Variants in APPL1 observed in about 807,000 individuals in gnomAD.
APPL1 encodes adaptor protein, phosphotyrosine interacting with PH domain and leucine zipper 1.
APPL1 carries 42 observed loss-of-function variants against 106.8 expected under a neutral mutation model. That is an observed-to-expected ratio of 0.39 (90% CI 0.31 to 0.51). The LOEUF (loss-of-function observed/expected upper bound fraction) is 0.51, where lower values mean the gene tolerates loss of function less well. Among genes scored for constraint, APPL1 ranks in the 20% least tolerant of loss-of-function variants. The pLI is 0.75. For missense variants in APPL1, 769 were observed against 858.2 expected, an observed-to-expected ratio of 0.90 and a Z score of 1.30; for synonymous variants, 263 against 281.8, an observed-to-expected ratio of 0.93 and a Z score of 0.67.
At chr3:57,268,508 G>A in intron 21 of APPL1, 21 bp downstream of exon 21, 1 of 1,558,944 alleles carries the variant, frequency 6.4e-7, no homozygotes, top group Non-Finnish European at 8.6e-7. Flanking sequence ...CTAATGTCTG[G>A]ATCTTTATGT....
At position 57,269,647 on chromosome 3, in the gene APPL1, A is replaced by G; in HGVS notation, c.2090A>G (p.Asp697Gly). 6.2e-7 allele frequency: 1 copy of G among 1,614,054 alleles called. No individual in the cohort carries two copies. Among genetic ancestry groups the G allele is most frequent in the East Asian group, 2.2e-5 (1 of 44,858 alleles). ...AGCAGTAGCCAGTCAGAAGAGAGTG[A>G]TTTGGGAGAAGGAGGAAAGAAGAGA... Reference protein sequence around the residue: ...VLSSSQSEESDLGEGGKKRES... With the variant: ...VLSSSQSEESGLGEGGKKRES... The change falls in exon 22 of 22, where the codon GAT (aspartate) becomes GGT (glycine). Residue 697 changes from aspartate to glycine, a missense_variant. Transcript: ENST00000288266.
intron 19 of APPL1, among the ~76,000 whole-genome samples, chr3:57,263,188 T>C (rs556909370): frequency 2.6e-5 from 4 of 152,302 alleles, no homozygotes; most frequent in South Asian, 2.1e-4. Context: ...AATATTTTGC[T>C]ACACTTATGC....
rs1559516817 is a variant in APPL1 at position 57,269,688 on chromosome 3, G to GCTTAT, written c.*2_*6dup. The GCTTAT allele has an allele frequency of 1.2e-5, 19 of 1,613,604 alleles. No individual in the cohort carries two copies. In the African/African-American group the frequency reaches 1.2e-4, roughly 10 times the overall value. On this transcript the variant is annotated 3_prime_UTR_variant, in exon 22 of 22. Coordinates refer to ENST00000288266, the MANE Select transcript of APPL1 (RefSeq NM_012096.3). ...AAAGAAGAGAGAATCAGAAGCATAA[G>GCTTAT]CTTATACTTTTGGTAGATATTCCCC...
At chr3:57,258,544 C>T (rs1416993429) in intron 15 of APPL1, among the ~76,000 whole-genome samples, 4 of 152,192 alleles carry the variant, frequency 2.6e-5, no homozygotes, top group African/African-American at 9.6e-5. Context: ...AGGTAGCTTC[C>T]ATCTCCAGTT....
intron 1 of APPL1, among the ~76,000 whole-genome samples, chr3:57,229,817 G>C (rs1309322030): frequency 6.7e-6 from 1 of 148,214 alleles, no homozygotes; most frequent in Non-Finnish European, 1.5e-5. Flanking sequence ...GGGTTCAAGT[G>C]ATTCTCATGC....
chr3:57,236,290 C>T (rs2060716150), intron 2 of APPL1, among the ~76,000 whole-genome samples: 4 of 150,728 alleles, frequency 2.7e-5, no homozygotes, highest in Admixed American at 6.6e-5. Flanking sequence ...GTGATCCGCC[C>T]GCCTTGGCCT....
At chr3:57,236,872 T>C (rs750719800) in intron 2 of APPL1, among the ~76,000 whole-genome samples, 93 of 152,350 alleles carry the variant, frequency 6.1e-4, no homozygotes, top group South Asian at 1.4e-3. Flanking sequence ...TTTATTTTTT[T>C]CCCTTCTCAT....
At chr3:57,244,592 G>C (rs1375859307) in intron 7 of APPL1, among the ~76,000 whole-genome samples, 2 of 152,166 alleles carry the variant, frequency 1.3e-5, no homozygotes, top group East Asian at 3.9e-4. Flanking sequence ...AGAGTGTAAA[G>C]ATTAAGAGTA....
chr3:57,264,650 A>G (rs1341874783), intron 19 of APPL1, among the ~76,000 whole-genome samples: 2 of 151,774 alleles, frequency 1.3e-5, no homozygotes, highest in South Asian at 2.1e-4. Context: ...TTATTCTTCT[A>G]CATATGGATA....
intron 1 of APPL1, among the ~76,000 whole-genome samples, chr3:57,234,620 T>C (rs2060706438): frequency 1.3e-5 from 2 of 151,798 alleles, no homozygotes; most frequent in Non-Finnish European, 2.9e-5. Flanking sequence ...CATTTACTTA[T>C]AAGCTTTCCC....
At chr3:57,246,683 TGTCA>T (rs1327670916) in intron 8 of APPL1, among the ~76,000 whole-genome samples, 1 of 152,092 alleles carries the variant, frequency 6.6e-6, no homozygotes, top group Non-Finnish European at 1.5e-5. Flanking sequence ...TAAGACAAAG[TGTCA>T]GTCTCCTAAA....
intron 2 of APPL1, 73 bp downstream of exon 2, chr3:57,235,737 G>A: frequency 9.1e-7 from 1 of 1,093,248 alleles, no homozygotes; most frequent in Non-Finnish European, 1.4e-6. Flanking sequence ...GATAGTGTCT[G>A]TCTTGTTTAC....
At chr3:57,239,635 T>G (rs2060735114) in intron 4 of APPL1, among the ~76,000 whole-genome samples, 2 of 152,224 alleles carry the variant, frequency 1.3e-5, no homozygotes, top group South Asian at 4.1e-4. Flanking sequence ...TATACAAGAT[T>G]GTTTTTTTTG....
Position 57,246,197 on chromosome 3 carries a change from C to T in APPL1, c.596C>T (p.Pro199Leu). 1 of 1,606,092 alleles carries T rather than the reference C, an allele frequency of 6.2e-7. No homozygotes were observed. The highest frequency in any genetic ancestry group is 8.5e-7 in the Non-Finnish European group (1 of 1,177,462). Residue 199 changes from proline (P) to leucine (L), a missense_variant, in exon 8 of 22, where the codon CCT becomes CTT. Transcript: ENST00000288266. ...AAGAAGAAAATAGCATTGTTAGAAC[C>T]TCTACTTGGGTACATGCAAGCTCAG... Reference protein sequence around the residue: ...QYKKKIALLEPLLGYMQAQIS... With the variant: ...QYKKKIALLELLLGYMQAQIS...
chr3:57,249,979 G>T (rs1335243747), intron 11 of APPL1, among the ~76,000 whole-genome samples: 1 of 144,356 alleles, frequency 6.9e-6, no homozygotes, highest in Admixed American at 7.1e-5. Context: ...ATGGGGGGGG[G>T]TTGTAATCCC....
In APPL1 at chr3:57,228,046, C is replaced by CCGCCGCCCTAGGT; in HGVS notation, c.54+111_54+123dup. The CCGCCGCCCTAGGT allele has an allele frequency of 3.1e-6, 3 of 975,760 alleles. No homozygotes were observed. The highest frequency in any genetic ancestry group is 3.6e-5 in the East Asian group (1 of 27,900). 60.4% of individuals were successfully genotyped at this position (975,760 alleles called of 1,614,324 possible). ...CCCGCCCCGGCCCAGGTGGGGGCCG[C>CCGCCGCCCTAGGT]CGCCGCCCTAGGTCACCGCCCGTCG... On this transcript the variant is annotated intron_variant, in intron 1 of 21. Coordinates refer to ENST00000288266, the MANE Select transcript of APPL1 (RefSeq NM_012096.3). This position sits in a 1 kb window ranked among gnomAD's most constrained non-coding sequence, Gnocchi z 4.6.
chr3:57,230,698 G>A (rs1039859544), intron 1 of APPL1: 4 of 412,404 alleles, frequency 9.7e-6, no homozygotes, highest in South Asian at 7.3e-5. Flanking sequence ...TTCTCAGTTT[G>A]AACTATTTTA....
rs769875939 is a variant in APPL1, at chr3:57,247,468, G to C, written c.695G>C (p.Ser232Thr). The change falls in exon 9 of 22, where the codon AGC becomes ACC. Residue 232 changes from serine (S) to threonine (T), a missense_variant. Ser to Thr is a moderately conservative substitution (Grantham distance 58). Coordinates refer to ENST00000288266, the MANE Select transcript of APPL1 (RefSeq NM_012096.3). ...LEEFLANIGT[S>T]VQNVRREMDS... ...GAATTTTTAGCTAATATTGGAACAA[G>C]CGTTCAGAAGTAAGTATTTTTTTCC... 1.3e-6 allele frequency: 2 copies of C among 1,593,208 alleles called. No individual in the cohort carries two copies. The highest frequency in any genetic ancestry group is 2.2e-5 in the South Asian group (2 of 89,718).
intron 11 of APPL1, among the ~76,000 whole-genome samples, chr3:57,251,937 G>GTTCATAATATATATGAAATATATATGAT (rs2060807256): frequency 6.6e-6 from 1 of 152,042 alleles, no homozygotes; most frequent in Non-Finnish European, 1.5e-5. Flanking sequence ...ATATATATGA[G>GTTCATAATATATATGAAATATATATGAT]TTCATAATAT....
Sources: allele counts gnomAD v4.1 joint callset (sites outside exome capture counted in the v4.1 genomes callset), GRCh38; gene constraint gnomAD v4.1.1; non-coding constraint Gnocchi (gnomAD v3.1); transcripts MANE v1.5; gene names NCBI Gene and HGNC (gene_info 2026-07-23, HGNC 2026-07-21).